LAMA2: variants seen among roughly 807,000 people sequenced by gnomAD.
LAMA2 encodes laminin subunit alpha-2.
In LAMA2, 269 loss-of-function variants were observed where a neutral mutation model predicts 364.8. The observed-to-expected ratio is 0.74, with a 90% CI of 0.67 to 0.82. The LOEUF is 0.82. Ranked by LOEUF, LAMA2 falls within the 40% of genes least tolerant of loss-of-function variation. The pLI is 0.00. For synonymous variants in LAMA2, 1,379 were observed against 1,370.6 expected (o/e 1.01, Z -0.14); for missense variants, 3,807 against 3,873.2 (o/e 0.98, Z 0.45).
chr6:129,487,005 T>A (rs1784622141), intron 56 of LAMA2, among the ~76,000 whole-genome samples: 2 of 152,218 alleles, frequency 1.3e-5, no homozygotes, highest in African/African-American at 4.8e-5. Context: ...GCGGTTTCTA[T>A]CTCATTCAGG....
intron 1 of LAMA2, among the ~76,000 whole-genome samples, chr6:128,992,020 C>T (rs1281833181): frequency 6.6e-6 from 1 of 152,170 alleles, no homozygotes; most frequent in Non-Finnish European, 1.5e-5. Flanking sequence ...TAGTATAGGA[C>T]AATTGATACG....
intron 1 of LAMA2, among the ~76,000 whole-genome samples, chr6:128,994,776 G>T (rs575896679): frequency 5.9e-5 from 9 of 152,096 alleles, no homozygotes; most frequent in Admixed American, 5.9e-4. Context: ...TATTTTGTGG[G>T]TGACAATTTT....
chr6:129,503,017 A>G (rs1040994033), intron 59 of LAMA2, 74 bp from the exon 60 acceptor site: 1 of 1,381,122 alleles, frequency 7.2e-7, no homozygotes, highest in African/African-American at 1.4e-5. Flanking sequence ...TGCAGCCACG[A>G]TCTGATACCG....
At chr6:129,236,488 A>C (rs1267262550) in intron 12 of LAMA2, among the ~76,000 whole-genome samples, 1 of 152,104 alleles carries the variant, frequency 6.6e-6, no homozygotes, top group East Asian at 1.9e-4. Context: ...CCCTTATAAA[A>C]CACTTTTTGC....
In LAMA2 at chr6:129,445,939, C is replaced by T. The variant is rs139441912; in HGVS notation, c.6429+118C>T. The T allele has an allele frequency of 6.1e-5, 62 of 1,009,136 alleles. No individual in the cohort carries two copies. The East Asian group carries it at 1.1e-3, about 17-fold the overall frequency. 62.5% of individuals were successfully genotyped at this position (1,009,136 alleles called of 1,614,324 possible). ...GATCTTGGGTCCTTTTCCTTTAACTCGAAGCGATTTGGGGTAGGAGGGGTT... is the reference window on the plus strand; with the variant it reads ...GATCTTGGGTCCTTTTCCTTTAACTTGAAGCGATTTGGGGTAGGAGGGGTT... On this transcript the variant is annotated intron_variant, in intron 45 of 64. Transcript: ENST00000421865.
chr6:129,330,592 GTTTTTGTTT>G (rs1775579948), intron 29 of LAMA2, among the ~76,000 whole-genome samples: 1 of 78,532 alleles, frequency 1.3e-5, no homozygotes, highest in African/African-American at 5.1e-5. Context: ...TTGTTGTTTG[GTTTTTGTTT>G]TTTTTTTTTT....
intron 34 of LAMA2, among the ~76,000 whole-genome samples, chr6:129,380,897 C>T (rs560677724): frequency 9.2e-5 from 14 of 152,124 alleles, no homozygotes; most frequent in South Asian, 4.2e-4. Context: ...CACATTACTA[C>T]GTAAATGAAA....
At chr6:129,318,516 A>G (rs926597644) in intron 27 of LAMA2, among the ~76,000 whole-genome samples, 3 of 152,190 alleles carry the variant, frequency 2.0e-5, no homozygotes, top group African/African-American at 4.8e-5. Context: ...TTCATGTGCA[A>G]GAGAAAGGAG....
At position 129,438,716 on chromosome 6, in the gene LAMA2, G is replaced by C; in HGVS notation, c.6039G>C (p.Leu2013Phe). Reference protein sequence around the residue: ...ENADARNGDLLRTLNDTLGKL... With the variant: ...ENADARNGDLFRTLNDTLGKL... ...CTGATGCTAGAAATGGGGATCTCTT[G>C]AGAACTTTGAATGACACTTTGGGAA... Residue 2013 changes from leucine to phenylalanine, a missense_variant, in exon 42 of 65, where the codon TTG (leucine) becomes TTC (phenylalanine). By Grantham distance (22) the Leu-to-Phe change is conservative. This residue lies in a region of LAMA2 where 3,333 missense variants were observed against 3,345.7 expected (regional missense o/e 1.00). Coordinates refer to ENST00000421865, the MANE Select transcript of LAMA2 (RefSeq NM_000426.4). 2 of 1,608,994 alleles carry C rather than the reference G, an allele frequency of 1.2e-6. No individual in the cohort carries two copies. Among genetic ancestry groups the C allele is most frequent in the Non-Finnish European group, 1.7e-6 (2 of 1,175,716 alleles).
At chr6:129,301,934 A>T (rs1773577734) in intron 22 of LAMA2, among the ~76,000 whole-genome samples, 1 of 151,914 alleles carries the variant, frequency 6.6e-6, no homozygotes, top group Non-Finnish European at 1.5e-5. Flanking sequence ...GGCTTCCTTC[A>T]CTTGGTGTTA....
intron 1 of LAMA2, among the ~76,000 whole-genome samples, chr6:128,988,030 A>G (rs1783376036): frequency 6.6e-6 from 1 of 151,996 alleles, no homozygotes; most frequent in African/African-American, 2.4e-5. Context: ...AGGCCCAGCT[A>G]ATTTTTTGTA....
chr6:129,416,328 A>G (rs1780788554), intron 40 of LAMA2, among the ~76,000 whole-genome samples: 1 of 152,054 alleles, frequency 6.6e-6, no homozygotes, highest in Non-Finnish European at 1.5e-5. Context: ...ACTCCATTTT[A>G]CTTAGTCTCT....
At chr6:128,897,128 A>G (rs1166779119) in intron 1 of LAMA2, among the ~76,000 whole-genome samples, 1 of 152,254 alleles carries the variant, frequency 6.6e-6, no homozygotes, top group Admixed American at 6.5e-5. Flanking sequence ...TTTGTGGCCC[A>G]TTCACCTACC....
intron 9 of LAMA2, among the ~76,000 whole-genome samples, chr6:129,173,605 A>T (rs1780367732): frequency 6.6e-6 from 1 of 152,222 alleles, no homozygotes. Flanking sequence ...AAAAATAGAA[A>T]TATAATAATC....
At chr6:128,911,063 G>A (rs991148488) in intron 1 of LAMA2, among the ~76,000 whole-genome samples, 2 of 151,986 alleles carry the variant, frequency 1.3e-5, no homozygotes, top group Non-Finnish European at 2.9e-5. Context: ...GGACATTTAA[G>A]TCTGCAGAGG....
chr6:129,146,353 C>T (rs1320864646), intron 5 of LAMA2, among the ~76,000 whole-genome samples: 1 of 151,792 alleles, frequency 6.6e-6, no homozygotes, highest in Non-Finnish European at 1.5e-5. Flanking sequence ...AGTAACATAG[C>T]TCTATGTTAA....
At chr6:129,140,847 A>C (rs1020013343) in intron 4 of LAMA2, among the ~76,000 whole-genome samples, 2 of 152,120 alleles carry the variant, frequency 1.3e-5, no homozygotes, top group African/African-American at 4.8e-5. Context: ...TATTCACAAG[A>C]TCTCTTGGCA....
intron 61 of LAMA2, among the ~76,000 whole-genome samples, chr6:129,505,720 C>CG (rs992652682): frequency 4.0e-5 from 6 of 151,756 alleles, no homozygotes; most frequent in Admixed American, 1.3e-4. Context: ...TTAATAGAGA[C>CG]GGGGGGTTTC....
At chr6:129,028,217 C>T (rs1215588370) in intron 1 of LAMA2, among the ~76,000 whole-genome samples, 1 of 151,842 alleles carries the variant, frequency 6.6e-6, no homozygotes, top group Non-Finnish European at 1.5e-5. Flanking sequence ...CATACATGCT[C>T]ATAATTTAAA....
Sources: allele counts gnomAD v4.1 joint callset (sites outside exome capture counted in the v4.1 genomes callset), GRCh38; gene constraint gnomAD v4.1.1; regional missense constraint gnomAD v4.1.1; transcripts MANE v1.5; gene names NCBI Gene and HGNC (gene_info 2026-07-23, HGNC 2026-07-21).